Variants in DOCK2 observed in about 807,000 individuals in gnomAD.
DOCK2 encodes the protein dedicator of cytokinesis 2, also known as dedicator of cytokinesis protein 2.
In DOCK2, 87 loss-of-function variants were observed where a neutral mutation model predicts 248.9. That is an observed-to-expected ratio of 0.35 (90% CI 0.29 to 0.42). The LOEUF is 0.42. Among genes scored for constraint, DOCK2 ranks in the 10% least tolerant of loss-of-function variants. DOCK2 has a pLI of 1.00. For missense variants in DOCK2, 1,747 were observed against 2,300.2 expected (o/e 0.76, Z 4.92); for synonymous variants, 805 against 821.6 (o/e 0.98, Z 0.35).
At chr5:169,699,334 G>A (rs368604205) in intron 11 of DOCK2, 48 bp from the exon 12 acceptor site, 52 of 1,581,554 alleles carry the variant, frequency 3.3e-5, no homozygotes, top group African/African-American at 1.5e-4. Context: ...CCCTTGAAAC[G>A]CAAGGAGGAC....
chr5:169,679,989 A>G (rs1240888205), intron 6 of DOCK2, among the ~76,000 whole-genome samples: 2 of 152,104 alleles, frequency 1.3e-5, no homozygotes, highest in Non-Finnish European at 1.5e-5. Context: ...CCTTCTTTGT[A>G]TGGACAACTG....
rs75957390 is a variant in DOCK2 at position 170,039,291 on chromosome 5, C to T, written c.3666-1764C>T. The stretch of plus-strand genomic sequence containing the variant: ...GCCATGGGAACCTTTTTAGAAGCCC[C>T]TCTTCTCCCCACCTGGATAAAGCGT... On this transcript the variant is annotated intron_variant, in intron 36 of 51. Coordinates refer to ENST00000520908, the MANE Select transcript of DOCK2 (RefSeq NM_004946.3). Among the ~76,000 whole-genome samples, 1,441 of 152,278 alleles carry T rather than the reference C, an allele frequency of 9.5e-3. 20 individuals carry two copies. Among genetic ancestry groups the T allele is most frequent in the African/African-American group, 0.033 (1,378 of 41,546 alleles).
rs140026008 is a variant in DOCK2, at chr5:170,065,999, T to C, written c.4468-1511T>C. Among the ~76,000 whole-genome samples the C allele has an allele frequency of 5.5e-3, 806 of 146,756 alleles. 5 individuals are homozygous for C. Among genetic ancestry groups the C allele is most frequent in the African/African-American group, 0.02 (763 of 38,914 alleles). The stretch of plus-strand genomic sequence containing the variant: ...CAGAGTCTCGCTCTGTCGCCGAGGC[T>C]GGAGTGTAGTGGCGCGAACTCAGCT... On this transcript the variant is annotated intron_variant, in intron 44 of 51. Transcript: ENST00000520908.
chr5:169,849,699 G>T (rs1770521443), intron 27 of DOCK2, among the ~76,000 whole-genome samples: 1 of 152,224 alleles, frequency 6.6e-6, no homozygotes, highest in South Asian at 2.1e-4. Context: ...GAAATAGCAG[G>T]CTTAACAGAA....
intron 33 of DOCK2, among the ~76,000 whole-genome samples, chr5:170,020,864 A>T (rs1035135198): frequency 4.6e-5 from 7 of 152,258 alleles, no homozygotes; most frequent in Admixed American, 1.3e-4. Context: ...ATACCTTTGG[A>T]AATCACTGCA....
At chr5:169,715,798 G>A (rs1435078171) in intron 19 of DOCK2, among the ~76,000 whole-genome samples, 2 of 151,910 alleles carry the variant, frequency 1.3e-5, no homozygotes, top group African/African-American at 2.4e-5. Flanking sequence ...GTAGTCCCCC[G>A]GGGTAATCAC....
intron 29 of DOCK2, among the ~76,000 whole-genome samples, chr5:169,995,060 T>C (rs1027485679): frequency 6.7e-6 from 1 of 149,366 alleles, no homozygotes; most frequent in African/African-American, 2.5e-5. Context: ...AGAGAGACTC[T>C]CACTATTGCC....
chr5:169,882,931 G>T (rs1439669528), intron 27 of DOCK2: 1 of 1,551,990 alleles, frequency 6.4e-7, no homozygotes, highest in Admixed American at 2.0e-5. Flanking sequence ...GGCTCTTCCT[G>T]GGTGGGCTGG....
intron 27 of DOCK2, among the ~76,000 whole-genome samples, chr5:169,904,823 C>A (rs1331707948): frequency 6.6e-6 from 1 of 152,148 alleles, no homozygotes; most frequent in Non-Finnish European, 1.5e-5. Flanking sequence ...CTAGTAGCAA[C>A]ACATTTCTGT....
In DOCK2 at chr5:170,049,183, C is replaced by T. The variant is rs140732320; in HGVS notation, c.4072-1073C>T. ...AGGCTGGAGTGCAGTGGCTTGATCT[C>T]GGCTCACTGCAACCTCTGCCTCCTG... is the stretch of plus-strand genomic sequence containing the variant. On this transcript the variant is annotated intron_variant, in intron 40 of 51. Transcript: ENST00000520908. 5.6e-3 allele frequency among the ~76,000 whole-genome samples: 858 copies of T among 152,306 alleles called. 9 individuals are homozygous for T. Among genetic ancestry groups the T allele is most frequent in the African/African-American group, 0.02 (817 of 41,572 alleles).
At chr5:169,739,092 T>C (rs751822300) in intron 22 of DOCK2, among the ~76,000 whole-genome samples, 5 of 152,210 alleles carry the variant, frequency 3.3e-5, no homozygotes, top group Non-Finnish European at 5.9e-5. Flanking sequence ...ATCACTTAAC[T>C]ACACACACCA....
Position 169,718,660 on chromosome 5 carries a change from AT to A in DOCK2, c.2138del (p.Leu713Ter), listed in dbSNP as rs776502503. ...HFSATLAYKKLMTVLKTYLDT... is the reference protein window; with the variant it reads ...HFSATLAYKKXMTVLKTYLDT... ...GAAAATATTATCCCTTATTCAGGAA[AT>A]TGATGACAGTGCTGAAGACTTACTT... On this transcript the variant is annotated frameshift_variant, in exon 22 of 52. Coordinates refer to ENST00000520908, the MANE Select transcript of DOCK2 (RefSeq NM_004946.3). LOFTEE classifies it high-confidence loss of function. 1 of 1,611,380 alleles carries A rather than the reference AT, an allele frequency of 6.2e-7. No individual in the cohort carries two copies. Among genetic ancestry groups the A allele is most frequent in the South Asian group, 1.1e-5 (1 of 90,578 alleles).
At chr5:169,691,357 A>G (rs1051322339) in intron 9 of DOCK2, among the ~76,000 whole-genome samples, 1 of 152,150 alleles carries the variant, frequency 6.6e-6, no homozygotes. Flanking sequence ...GGGGACAGTG[A>G]TCCAGACCAT....
chr5:170,040,873 A>C (rs1321718161), intron 36 of DOCK2, 182 bp from the exon 37 acceptor site: 1 of 538,572 alleles, frequency 1.9e-6, no homozygotes, highest in Non-Finnish European at 3.1e-6. Context: ...CCTGTCATGC[A>C]CTAAGTAACC....
intron 27 of DOCK2, among the ~76,000 whole-genome samples, chr5:169,890,067 G>C (rs143424108): frequency 1.3e-5 from 2 of 152,206 alleles, no homozygotes; most frequent in Non-Finnish European, 2.9e-5. Context: ...TAAAGAAGAC[G>C]AATTCAATCC....
chr5:170,021,327 G>A (rs544067060), intron 33 of DOCK2, among the ~76,000 whole-genome samples: 3 of 152,322 alleles, frequency 2.0e-5, no homozygotes, highest in South Asian at 2.1e-4. Context: ...GCCATGAGAC[G>A]AAGGGCAGTT....
chr5:169,962,273 G>A (rs1175284010), intron 27 of DOCK2, among the ~76,000 whole-genome samples: 2 of 152,134 alleles, frequency 1.3e-5, no homozygotes, highest in Admixed American at 1.3e-4. Flanking sequence ...GACCTGGGGT[G>A]GAGAGAAAAG....
chr5:170,071,310 A>C (rs1757672159), intron 46 of DOCK2, among the ~76,000 whole-genome samples: 1 of 152,192 alleles, frequency 6.6e-6, no homozygotes, highest in Admixed American at 6.5e-5. Flanking sequence ...CTCCCTGCTC[A>C]CTTGGAGCTT....
chr5:169,994,264 G>A (rs1778280162), intron 29 of DOCK2, among the ~76,000 whole-genome samples: 1 of 152,200 alleles, frequency 6.6e-6, no homozygotes, highest in South Asian at 2.1e-4. Context: ...TGGGGAGTAT[G>A]TGAGAGCATA....
Sources: allele counts gnomAD v4.1 joint callset (sites outside exome capture counted in the v4.1 genomes callset), GRCh38; gene constraint gnomAD v4.1.1; transcripts MANE v1.5; gene names NCBI Gene and HGNC (gene_info 2026-07-23, HGNC 2026-07-21).